CTNNA2: variants seen among roughly 807,000 people sequenced by gnomAD.
The protein encoded by CTNNA2 is catenin alpha 2.
A neutral mutation model predicts 101.0 loss-of-function variants in CTNNA2; 42 were observed. The ratio of observed to expected loss-of-function variants is 0.42; its 90% CI spans 0.32 to 0.54. The LOEUF (loss-of-function observed/expected upper bound fraction) is 0.54, where lower values mean the gene tolerates loss of function less well. CTNNA2 is among the 20% of genes least tolerant of loss of function. The probability of loss-of-function intolerance (pLI) is 0.14; values close to 1 mark genes in which losing one functional copy is unlikely to be tolerated. For missense variants in CTNNA2, 871 were observed against 1,223.1 expected (o/e 0.71, Z 4.29); for synonymous variants, 450 against 456.4 (o/e 0.99, Z 0.18).
chr2:80,097,501 G>A lies in CTNNA2; in HGVS notation c.1056+187704G>A, dbSNP rs191294143. ...TATGTGTCTTGGAGTTGCTCTTCTC[G>A]AGGAGTATCTTTGTGGCGTTCTCTG... is the stretch of plus-strand genomic sequence containing the variant. On this transcript the variant is annotated intron_variant, in intron 7 of 18. Coordinates refer to ENST00000402739, the MANE Select transcript of CTNNA2 (RefSeq NM_001282597.3). 1.6e-3 allele frequency among the ~76,000 whole-genome samples: 243 copies of A among 152,082 alleles called. 2 individuals are homozygous for A. The highest frequency in any genetic ancestry group is 2.2e-3 in the Non-Finnish European group (151 of 67,998).
intron 3 of CTNNA2, among the ~76,000 whole-genome samples, chr2:79,831,524 A>G (rs1347997969): frequency 6.6e-6 from 1 of 152,132 alleles, no homozygotes; most frequent in Non-Finnish European, 1.5e-5. Context: ...CTTAAGAATC[A>G]TTGACTCCTT....
chr2:80,291,260 T>C (rs1025571906), intron 7 of CTNNA2, among the ~76,000 whole-genome samples: 1 of 152,222 alleles, frequency 6.6e-6, no homozygotes, highest in Non-Finnish European at 1.5e-5. Flanking sequence ...GCATAGAAAG[T>C]TACTCTTACT....
intron 7 of CTNNA2, among the ~76,000 whole-genome samples, chr2:80,146,710 G>GTTTTGTTT (rs1703358228): frequency 1.6e-5 from 1 of 61,744 alleles, no homozygotes; most frequent in Non-Finnish European, 3.1e-5. Flanking sequence ...GTCCCCTCTG[G>GTTTTGTTT]TTTTTTTTTT....
intron 7 of CTNNA2, among the ~76,000 whole-genome samples, chr2:80,256,022 T>C (rs1672112532): frequency 6.6e-6 from 1 of 152,106 alleles, no homozygotes. Flanking sequence ...AATGAAGCTT[T>C]TTCATTGTGG....
chr2:79,963,059 A>G (rs2104539206), intron 7 of CTNNA2, among the ~76,000 whole-genome samples: 1 of 122,646 alleles, frequency 8.2e-6, no homozygotes, highest in Admixed American at 1.0e-4. Context: ...CGACAGAGCC[A>G]GACTCCGTCT....
At chr2:80,164,938 G>GTTTTTT (rs1558866800) in intron 7 of CTNNA2, among the ~76,000 whole-genome samples, 2 of 107,094 alleles carry the variant, frequency 1.9e-5, no homozygotes, top group Non-Finnish European at 1.8e-5. Flanking sequence ...CCCAACTTTT[G>GTTTTTT]GTTTTTTTTT....
chr2:80,371,914 A>G (rs957623049), intron 7 of CTNNA2, among the ~76,000 whole-genome samples: 1 of 152,182 alleles, frequency 6.6e-6, no homozygotes, highest in Admixed American at 6.6e-5. Context: ...CTTGATTTTC[A>G]CAGAGTGAAA....
chr2:79,845,172 CTTTTTT>C lies in CTNNA2; in HGVS notation c.299-12826_299-12821del, dbSNP rs59627246. Among the ~76,000 whole-genome samples the C allele has an allele frequency of 1.0e-3, 109 of 104,176 alleles. 1 individual carries two copies. The highest frequency in any genetic ancestry group is 6.1e-3 in the Admixed American group (58 of 9,526). The allele number at this position is 104,176 out of a possible 152,430, so 68.3% of individuals were successfully genotyped here. On this transcript the variant is annotated intron_variant, in intron 3 of 18. Transcript: ENST00000402739. ...ATTCCCAACTCCCTAAACACAGCTG[CTTTTTT>C]TTTTTTTTTTTTTTGAATTTCTAAA...
At chr2:80,458,415 C>A (rs1474096036) in intron 9 of CTNNA2, among the ~76,000 whole-genome samples, 1 of 151,992 alleles carries the variant, frequency 6.6e-6, no homozygotes, top group Non-Finnish European at 1.5e-5. Flanking sequence ...TTTTCTGGAT[C>A]CCTGACAAGT....
chr2:79,872,192 C>T, intron 5 of CTNNA2, among the ~76,000 whole-genome samples: 2 of 151,966 alleles, frequency 1.3e-5, no homozygotes, highest in Middle Eastern at 3.4e-3. Flanking sequence ...TTTTGGAAAA[C>T]TAATTTTAAT....
Position 79,802,884 on chromosome 2 carries a change from A to G in CTNNA2, c.299-55129A>G, listed in dbSNP as rs572668007. Among the ~76,000 whole-genome samples the G allele has an allele frequency of 4.5e-4, 68 of 152,344 alleles. 2 individuals carry two copies. Among genetic ancestry groups the G allele is most frequent in the Admixed American group, 3.9e-3 (60 of 15,304 alleles). On this transcript the variant is annotated intron_variant, in intron 3 of 18. Transcript: ENST00000402739. ...TTGTTTCTGTTCTTAATGTGCAAGC[A>G]CAAGAAAAAGCAGAATTATGTTTCA...
chr2:80,407,856 A>G (rs1679204831), intron 8 of CTNNA2, among the ~76,000 whole-genome samples: 1 of 152,200 alleles, frequency 6.6e-6, no homozygotes, highest in African/African-American at 2.4e-5. Flanking sequence ...GACAGGAAGT[A>G]AAAAGTATTG....
intron 7 of CTNNA2, among the ~76,000 whole-genome samples, chr2:79,929,028 A>G (rs1246026524): frequency 9.2e-5 from 14 of 152,212 alleles, no homozygotes; most frequent in Admixed American, 9.2e-4. Context: ...CCACAGCCCT[A>G]CATGTGTTTA....
At chr2:80,506,410 A>T (rs1011508047) in intron 9 of CTNNA2, among the ~76,000 whole-genome samples, 7 of 152,152 alleles carry the variant, frequency 4.6e-5, no homozygotes, top group Non-Finnish European at 7.3e-5. Flanking sequence ...AACAATTCAG[A>T]GCTGTTGGAG....
intron 3 of CTNNA2, among the ~76,000 whole-genome samples, chr2:79,818,213 T>C (rs1177622585): frequency 6.6e-6 from 1 of 152,226 alleles, no homozygotes. Flanking sequence ...TTTCATATTA[T>C]TCATTTTTCA....
chr2:80,466,659 A>T (rs1267611285), intron 9 of CTNNA2, among the ~76,000 whole-genome samples: 1 of 152,216 alleles, frequency 6.6e-6, no homozygotes, highest in Non-Finnish European at 1.5e-5. Flanking sequence ...AGATGGAAAA[A>T]CTACATTTGA....
chr2:80,632,151 C>T (rs1207747845), intron 18 of CTNNA2, among the ~76,000 whole-genome samples: 4 of 152,136 alleles, frequency 2.6e-5, no homozygotes, highest in Admixed American at 2.0e-4. Context: ...CAGCGAATCC[C>T]AGCATGATTT....
intron 6 of CTNNA2, among the ~76,000 whole-genome samples, chr2:79,902,206 C>T (rs577814404): frequency 6.6e-5 from 10 of 152,112 alleles, no homozygotes; most frequent in Admixed American, 1.3e-4. Flanking sequence ...TGATTAGCAT[C>T]GTGCATGCAG....
At chr2:79,330,456 A>C (rs933440189) in intron 3 of CTNNA2, among the ~76,000 whole-genome samples, 6 of 152,124 alleles carry the variant, frequency 3.9e-5, no homozygotes, top group African/African-American at 1.4e-4. Flanking sequence ...CTCTGGGTGG[A>C]TTCTAAGCCC....
Sources: gnomAD v4.1 joint callset for allele counts (sites outside exome capture counted in the v4.1 genomes callset) on GRCh38, gnomAD v4.1.1 for gene constraint, MANE v1.5 for transcripts, NCBI Gene and HGNC (gene_info 2026-07-23, HGNC 2026-07-21) for gene names.